The following CDH9 variants were observed in gnomAD, a reference collection of about 807,000 sequenced individuals.
CDH9 encodes the protein cadherin-9.
In CDH9, 28 loss-of-function variants were observed where a neutral mutation model predicts 70.9. That is an observed-to-expected ratio of 0.40 (90% confidence interval 0.29 to 0.54). CDH9 has a LOEUF of 0.54. CDH9 is among the 20% of genes least tolerant of loss of function. The probability of loss-of-function intolerance (pLI) is 0.59; values close to 1 mark genes in which losing one functional copy is unlikely to be tolerated. For missense variants in CDH9, 874 were observed against 984.4 expected (o/e 0.89, Z 1.50); for synonymous variants, 409 against 343.1 (o/e 1.19, Z -2.12).
At chr5:26,951,559 T>A (rs928579681) in intron 2 of CDH9, among the ~76,000 whole-genome samples, 3 of 152,176 alleles carry the variant, frequency 2.0e-5, no homozygotes, top group Admixed American at 6.5e-5. Flanking sequence ...CTAAATATAT[T>A]TTCTAAAGCA....
intron 2 of CDH9, among the ~76,000 whole-genome samples, chr5:26,950,077 G>C (rs565454983): frequency 6.6e-6 from 1 of 152,216 alleles, no homozygotes; most frequent in African/African-American, 2.4e-5. Context: ...TAATGGTTTG[G>C]ATATCCCACA....
At chr5:27,017,671 G>T (rs1184299684) in intron 1 of CDH9, among the ~76,000 whole-genome samples, 1 of 151,932 alleles carries the variant, frequency 6.6e-6, no homozygotes, top group African/African-American at 2.4e-5. Context: ...TTCACATAAA[G>T]TATGCTAAAT....
At chr5:26,991,292 G>C (rs1742575768) in intron 1 of CDH9, among the ~76,000 whole-genome samples, 1 of 152,102 alleles carries the variant, frequency 6.6e-6, no homozygotes, top group African/African-American at 2.4e-5. Flanking sequence ...CTATGCTTTT[G>C]CTTCTAATGG....
chr5:27,018,269 G>T (rs1351265358), intron 1 of CDH9, among the ~76,000 whole-genome samples: 1 of 151,596 alleles, frequency 6.6e-6, no homozygotes, highest in East Asian at 1.9e-4. Context: ...TTCACATATT[G>T]TATATAGAAT....
chr5:26,905,811 GTT>G (rs5866810), intron 5 of CDH9, 146 bp downstream of exon 5: 166 of 540,478 alleles, frequency 3.1e-4, no homozygotes, highest in Admixed American at 6.5e-4. Context: ...GGGAAATTGT[GTT>G]TTTTTTTTGG....
At chr5:27,033,178 A>T (rs1399628708) in intron 1 of CDH9, among the ~76,000 whole-genome samples, 2 of 151,364 alleles carry the variant, frequency 1.3e-5, no homozygotes, top group African/African-American at 4.8e-5. Flanking sequence ...AAAAATAAAA[A>T]ATTTTCAAAT....
chr5:26,881,941 T>C (rs1740474952), intron 11 of CDH9, among the ~76,000 whole-genome samples: 1 of 152,054 alleles, frequency 6.6e-6, no homozygotes, highest in Non-Finnish European at 1.5e-5. Context: ...AAATGTGCAC[T>C]CATTTCAAAT....
At chr5:26,938,364 C>T (rs1741597627) in intron 2 of CDH9, among the ~76,000 whole-genome samples, 1 of 151,708 alleles carries the variant, frequency 6.6e-6, no homozygotes, top group East Asian at 1.9e-4. Flanking sequence ...ACAGGCATTT[C>T]ACAAAATTAG....
chr5:27,006,639 G>T (rs1742869773), intron 1 of CDH9, among the ~76,000 whole-genome samples: 3 of 152,102 alleles, frequency 2.0e-5, no homozygotes, highest in Non-Finnish European at 4.4e-5. Flanking sequence ...TCCCTAGTCA[G>T]CTCCCTTAAC....
chr5:27,016,865 T>G (rs994098233), intron 1 of CDH9, among the ~76,000 whole-genome samples: 1 of 151,918 alleles, frequency 6.6e-6, no homozygotes, highest in African/African-American at 2.4e-5. Context: ...ATTCATTCAA[T>G]ATTAAATCCT....
chr5:26,901,326 T>C (rs1740850638), intron 7 of CDH9, among the ~76,000 whole-genome samples: 1 of 152,022 alleles, frequency 6.6e-6, no homozygotes, highest in African/African-American at 2.4e-5. Context: ...TAATTTTCAA[T>C]CTAATATAAG....
chr5:27,036,753 A>G (rs545471418), intron 1 of CDH9, among the ~76,000 whole-genome samples: 7 of 151,920 alleles, frequency 4.6e-5, no homozygotes, highest in Non-Finnish European at 8.8e-5. Flanking sequence ...CAAAACACAT[A>G]TAGAGATGTT....
chr5:26,988,854 CT>C lies in CDH9; in HGVS notation c.-49-473del, dbSNP rs3841121. Among the ~76,000 whole-genome samples the C allele has an allele frequency of 0.011, 1,629 of 152,134 alleles. 75 individuals carry two copies. In the East Asian group the frequency reaches 0.11, roughly 10 times the overall value. On this transcript the variant is annotated intron_variant, in intron 1 of 11. Transcript: ENST00000231021. The stretch of plus-strand genomic sequence containing the variant: ...TTTCTCCTCTGCCCCCTATCTTCCT[CT>C]TTACAATCCTCCTCATCCATCAGAT...
chr5:26,982,690 GTTTTTT>G (rs1168387640), intron 2 of CDH9, among the ~76,000 whole-genome samples: 2 of 151,488 alleles, frequency 1.3e-5, no homozygotes, highest in African/African-American at 4.8e-5. Context: ...TTGTTTTTTT[GTTTTTT>G]TGTTTTTTTT....
At chr5:26,890,743 CTCTT>C (rs1740646023) in intron 7 of CDH9, 179 bp from the exon 8 acceptor site, 3 of 564,178 alleles carry the variant, frequency 5.3e-6, no homozygotes, top group South Asian at 2.2e-5. Context: ...ATATGTTTGA[CTCTT>C]TCTACTTACT....
At chr5:26,984,479 A>C (rs1446930260) in intron 2 of CDH9, among the ~76,000 whole-genome samples, 3 of 152,140 alleles carry the variant, frequency 2.0e-5, no homozygotes, top group African/African-American at 7.2e-5. Flanking sequence ...CCAGATATTA[A>C]AATCAAATAG....
At chr5:27,023,311 G>A (rs146550037) in intron 1 of CDH9, among the ~76,000 whole-genome samples, 3 of 151,870 alleles carry the variant, frequency 2.0e-5, no homozygotes, top group African/African-American at 4.8e-5. Context: ...CGGGAGGCTC[G>A]GTTGATTCAT....
intron 1 of CDH9, among the ~76,000 whole-genome samples, chr5:27,024,794 G>A (rs1387347675): frequency 2.0e-5 from 3 of 151,942 alleles, no homozygotes; most frequent in Non-Finnish European, 4.4e-5. Flanking sequence ...TAACCATTAC[G>A]TTTAATATTT....
At chr5:26,894,802 T>A (rs1434891236) in intron 7 of CDH9, among the ~76,000 whole-genome samples, 3 of 152,074 alleles carry the variant, frequency 2.0e-5, no homozygotes, top group African/African-American at 7.2e-5. Flanking sequence ...CTGCATTGAA[T>A]TTTGAACAAT....
Sources: gnomAD v4.1 joint callset for allele counts (sites outside exome capture counted in the v4.1 genomes callset) on GRCh38, gnomAD v4.1.1 for gene constraint, MANE v1.5 for transcripts, NCBI Gene and HGNC (gene_info 2026-07-23, HGNC 2026-07-21) for gene names.